The following SORT1 variants were observed in gnomAD, a reference collection of about 807,000 sequenced individuals.
SORT1 encodes sortilin.
SORT1 carries 39 observed loss-of-function variants against 101.7 expected under a neutral mutation model. The observed-to-expected ratio is 0.38, with a 90% confidence interval of 0.30 to 0.50. The LOEUF (loss-of-function observed/expected upper bound fraction) is 0.50, where lower values mean the gene tolerates loss of function less well. Among genes scored for constraint, SORT1 ranks in the 20% least tolerant of loss-of-function variants. The probability of loss-of-function intolerance (pLI) is 0.90; values close to 1 mark genes in which losing one functional copy is unlikely to be tolerated. For missense variants in SORT1, 878 were observed against 1,040.4 expected, an observed-to-expected ratio of 0.84 and a Z score of 2.15; for synonymous variants, 396 against 393.7, an observed-to-expected ratio of 1.01 and a Z score of -0.07.
In SORT1 at chr1:109,326,991, C is replaced by T; in HGVS notation, c.1643+1G>A. 6.2e-7 allele frequency: 1 copy of T among 1,610,144 alleles called. No individual in the cohort carries two copies. On this transcript the variant is annotated splice_donor_variant, in intron 13 of 19. Transcript: ENST00000256637. LOFTEE classifies it high-confidence loss of function. ...TGTGTGTGAGATGAGTTCATGCATA[C>T]TTAATCACATTGATAGGACGGCTGC...
chr1:109,351,965 G>GGTGT (rs10540637), intron 5 of SORT1, among the ~76,000 whole-genome samples: 6,039 of 147,408 alleles, frequency 0.041, 356 homozygotes, highest in African/African-American at 0.13. Flanking sequence ...GAGAGGTAGG[G>GGTGT]GTGTGTGTGT....
chr1:109,357,227 T>C (rs1171993351), intron 3 of SORT1, among the ~76,000 whole-genome samples: 1 of 152,262 alleles, frequency 6.6e-6, no homozygotes, highest in Admixed American at 6.5e-5. Context: ...CAGGCTATAC[T>C]GTCCAGGTGT....
intron 11 of SORT1, among the ~76,000 whole-genome samples, chr1:109,332,754 G>A (rs563171220): frequency 3.9e-5 from 6 of 152,048 alleles, no homozygotes; most frequent in South Asian, 2.1e-4. Context: ...TGGTACTGGC[G>A]TTAAAAACAA....
intron 10 of SORT1, among the ~76,000 whole-genome samples, chr1:109,337,327 A>G (rs4970842): frequency 0.65 from 98,238 of 151,516 alleles, 33,639 homozygotes; most frequent in East Asian, 0.96. Context: ...GCTCACTGCA[A>G]CCTCTGCCTC....
chr1:109,383,995 C>T (rs1438256883), intron 1 of SORT1, among the ~76,000 whole-genome samples: 2 of 152,114 alleles, frequency 1.3e-5, no homozygotes, highest in Admixed American at 6.6e-5. Flanking sequence ...TACCGAAGTG[C>T]GGGGGCTAGA....
intron 15 of SORT1, among the ~76,000 whole-genome samples, chr1:109,318,607 T>G (rs1449579221): frequency 2.0e-5 from 3 of 152,110 alleles, no homozygotes; most frequent in Non-Finnish European, 2.9e-5. Flanking sequence ...AACCTCAGCA[T>G]CAGCAGCAGC....
chr1:109,392,723 C>T lies in SORT1; in HGVS notation c.306+4864G>A, dbSNP rs1053461328. 4.1e-6 allele frequency: 4 copies of T among 984,080 alleles called. No individual in the cohort carries two copies. In the African/African-American group the frequency reaches 5.2e-5, roughly 13 times the overall value. 61.0% of individuals were successfully genotyped at this position (984,080 alleles called of 1,614,324 possible). On this transcript the variant is annotated intron_variant, in intron 1 of 19. Transcript: ENST00000256637. Reference sequence around the variant, plus strand: ...TTACACTTCATCAAATCTGCTGATACTTCTTACTGAAATATCCAATGCATA... The same window carrying T: ...TTACACTTCATCAAATCTGCTGATATTTCTTACTGAAATATCCAATGCATA...
intron 12 of SORT1, 78 bp downstream of exon 12, chr1:109,327,421 C>A (rs751059933): frequency 1.4e-4 from 122 of 870,520 alleles, no homozygotes; most frequent in Non-Finnish European, 4.3e-5. Flanking sequence ...CTTCTCAGAG[C>A]GTTCAAAGCC....
intron 1 of SORT1, among the ~76,000 whole-genome samples, chr1:109,386,944 C>T (rs533067296): frequency 6.6e-6 from 1 of 152,312 alleles, no homozygotes; most frequent in South Asian, 2.1e-4. Flanking sequence ...TAACTCTTAA[C>T]AAATTAAAGC....
chr1:109,325,189 C>T (rs548915372), intron 13 of SORT1, 100 bp from the exon 14 acceptor site: 4 of 613,378 alleles, frequency 6.5e-6, no homozygotes, highest in Non-Finnish European at 1.1e-5. Context: ...GACAAAACCC[C>T]TTACATTTAG....
intron 3 of SORT1, among the ~76,000 whole-genome samples, chr1:109,360,108 C>G (rs1650614161): frequency 6.6e-6 from 1 of 152,172 alleles, no homozygotes; most frequent in Admixed American, 6.5e-5. Flanking sequence ...AAGAGTAGGT[C>G]TTAAGGCTGG....
chr1:109,347,540 G>C lies in SORT1; in HGVS notation c.783-8C>G, dbSNP rs1049420355. On this transcript the variant is annotated splice_region_variant and splice_polypyrimidine_tract_variant and intron_variant, in intron 6 of 19. Transcript: ENST00000256637. ...ATGGTGTTGTCTGATCCCCTACAAT[G>C]AGGCAAAAACAGGGAAAAGAAATGG... The C allele has an allele frequency of 6.2e-7, 1 of 1,603,576 alleles. No individual in the cohort carries two copies. Among genetic ancestry groups the C allele is most frequent in the Non-Finnish European group, 8.5e-7 (1 of 1,170,602 alleles).
chr1:109,338,573 T>C (rs987292259), intron 10 of SORT1, among the ~76,000 whole-genome samples: 57 of 152,216 alleles, frequency 3.7e-4, no homozygotes, highest in African/African-American at 1.2e-3. Flanking sequence ...GGCTGGCTAC[T>C]GCTATGCACC....
chr1:109,370,161 T>C (rs1211207506), intron 1 of SORT1, among the ~76,000 whole-genome samples: 1 of 152,136 alleles, frequency 6.6e-6, no homozygotes, highest in Non-Finnish European at 1.5e-5. Flanking sequence ...ACAACCTTAC[T>C]AGAGTTGCAG....
At chr1:109,376,308 G>A (rs1250439977) in intron 1 of SORT1, among the ~76,000 whole-genome samples, 1 of 145,560 alleles carries the variant, frequency 6.9e-6, no homozygotes, top group East Asian at 2.0e-4. Context: ...TCCAGCCTGG[G>A]CAACAGAGGG....
At position 109,321,876 on chromosome 1, in the gene SORT1, A is replaced by C. The variant is rs1647657367; in HGVS notation, c.2024+1056T>G. ...AGGGACTCATGCCCTTATATAATCA[A>C]CTAACCCAATGCCAGCCAAGTAACT... On this transcript the variant is annotated intron_variant, in intron 15 of 19. Transcript: ENST00000256637. 2.6e-5 allele frequency among the ~76,000 whole-genome samples: 4 copies of C among 152,210 alleles called. No homozygotes were observed. In the South Asian group the frequency reaches 8.3e-4, roughly 32 times the overall value.
chr1:109,341,960 G>C (rs1303074234), intron 9 of SORT1, 54 bp downstream of exon 9: 1 of 1,532,186 alleles, frequency 6.5e-7, no homozygotes, highest in Non-Finnish European at 9.0e-7. Flanking sequence ...AATAAAAGCT[G>C]CTCAAAGCTT....
At chr1:109,324,606 T>C (rs534654357) in intron 14 of SORT1, among the ~76,000 whole-genome samples, 7 of 152,236 alleles carry the variant, frequency 4.6e-5, no homozygotes, top group Non-Finnish European at 1.0e-4. Flanking sequence ...TTTGGATATA[T>C]TAAGTTTATT....
intron 6 of SORT1, among the ~76,000 whole-genome samples, chr1:109,350,717 C>T (rs1649905934): frequency 6.6e-6 from 1 of 152,192 alleles, no homozygotes; most frequent in Admixed American, 6.5e-5. Flanking sequence ...ACTTTATGTT[C>T]TAACATTTAA....
Sources: gnomAD v4.1 joint callset for allele counts (sites outside exome capture counted in the v4.1 genomes callset) on GRCh38, gnomAD v4.1.1 for gene constraint, MANE v1.5 for transcripts, NCBI Gene and HGNC (gene_info 2026-07-23, HGNC 2026-07-21) for gene names.